The following RSF1 variants were observed in gnomAD, a reference collection of about 807,000 sequenced individuals.
RSF1 encodes the protein HBV pX-associated protein 8.
Under a neutral mutation model 145.2 loss-of-function variants are expected in RSF1, and 13 were observed. The observed-to-expected ratio is 0.09, with a 90% CI of 0.06 to 0.14. RSF1 has a LOEUF of 0.14. Ranked by LOEUF, RSF1 falls within the 10% of genes least tolerant of loss-of-function variation. The probability of loss-of-function intolerance (pLI) is 1.00; values close to 1 mark genes in which losing one functional copy is unlikely to be tolerated. For synonymous variants in RSF1, 577 were observed against 592.6 expected, an observed-to-expected ratio of 0.97 and a Z score of 0.38; for missense variants, 1,517 against 1,718.2, an observed-to-expected ratio of 0.88 and a Z score of 2.07.
intron 2 of RSF1, among the ~76,000 whole-genome samples, chr11:77,753,426 C>T (rs1237173428): frequency 6.6e-6 from 1 of 152,194 alleles, no homozygotes; most frequent in Admixed American, 6.5e-5. Context: ...CAAAACTCAA[C>T]TGCCTTTGTA....
chr11:77,770,980 A>G (rs1948276615), intron 1 of RSF1, among the ~76,000 whole-genome samples: 1 of 152,206 alleles, frequency 6.6e-6, no homozygotes, highest in African/African-American at 2.4e-5. Context: ...AATTTGTAGT[A>G]CTTGGGGCAA....
At chr11:77,781,882 T>A (rs1173506227) in intron 1 of RSF1, among the ~76,000 whole-genome samples, 1 of 152,236 alleles carries the variant, frequency 6.6e-6, no homozygotes, top group African/African-American at 2.4e-5. Context: ...CAGAATTGTA[T>A]CTTCCTAATG....
At chr11:77,858,009 A>T in the RSF1 span, among the ~76,000 whole-genome samples, 17 of 151,994 alleles carry the variant, frequency 1.1e-4, no homozygotes, top group Admixed American at 1.0e-3. Context: ...CTAGGTTTTA[A>T]GCCCCACATG....
Position 77,702,311 on chromosome 11 carries a change from C to T in RSF1, c.918G>A (p.Lys306=), listed in dbSNP as rs754776998. Residue 306 remains lysine (K), a synonymous_variant, in exon 6 of 16, where the codon AAG becomes AAA. Transcript: ENST00000308488. ...AGGAATCACTTTCTTCTTTGATAATCTTTTTTTCTTCATTTTCTGGCAAAG... is the reference window on the plus strand; with the variant it reads ...AGGAATCACTTTCTTCTTTGATAATTTTTTTTTCTTCATTTTCTGGCAAAG... The part of the protein sequence containing the change: ...EKPLPENEEK[K]IIKEESDSFK... 11 of 1,609,718 alleles carry T rather than the reference C, an allele frequency of 6.8e-6. No individual in the cohort carries two copies. The South Asian group carries it at 7.8e-5, about 11-fold the overall frequency.
rs1415960845 is a variant in RSF1 at position 77,664,243 on chromosome 11, T to C, written c.*2674A>G. On this transcript the variant is annotated 3_prime_UTR_variant, in exon 16 of 16. Coordinates refer to ENST00000308488, the MANE Select transcript of RSF1 (RefSeq NM_016578.4). ...AATCAATAATCTATCTGCCTAATAA[T>C]GTTTTATCAACCGCTTGGATTACAT... is the stretch of plus-strand genomic sequence containing the variant. The C allele has an allele frequency of 2.0e-5, 3 of 152,202 alleles. No individual in the cohort carries two copies. The highest frequency in any genetic ancestry group is 4.4e-5 in the Non-Finnish European group (3 of 68,020). 9.4% of individuals were successfully genotyped at this position (152,202 alleles called of 1,614,324 possible). A position where few individuals can be genotyped will look rare whatever the true frequency, so the allele number is the denominator to read the frequency against.
chr11:77,677,168 G>T, intron 12 of RSF1, 169 bp from the exon 13 acceptor site: 1 of 608,860 alleles, frequency 1.6e-6, no homozygotes. Context: ...AGGTCTCAGA[G>T]TTTTAGCATT....
chr11:77,749,199 A>C (rs1948034340), intron 2 of RSF1, among the ~76,000 whole-genome samples: 1 of 152,184 alleles, frequency 6.6e-6, no homozygotes, highest in Non-Finnish European at 1.5e-5. Context: ...ATTTCTTTTT[A>C]GAGTAATAAA....
chr11:77,838,954 G>T, the RSF1 span, among the ~76,000 whole-genome samples: 1 of 152,118 alleles, frequency 6.6e-6, no homozygotes, highest in Non-Finnish European at 1.5e-5. Flanking sequence ...ACCAGTGCTA[G>T]AATTTCCATT....
intron 1 of RSF1, among the ~76,000 whole-genome samples, chr11:77,777,518 G>C (rs532884497): frequency 6.6e-6 from 1 of 152,242 alleles, no homozygotes; most frequent in African/African-American, 2.4e-5. Context: ...GCTTGAACCT[G>C]GAAGGTGGAG....
intron 1 of RSF1, among the ~76,000 whole-genome samples, chr11:77,769,149 C>T (rs971508124): frequency 2.0e-5 from 3 of 152,144 alleles, no homozygotes; most frequent in African/African-American, 7.2e-5. Context: ...CCTCCACCTC[C>T]TGGGTTCAAA....
chr11:77,824,685 T>C (rs1398219727), upstream of RSF1, among the ~76,000 whole-genome samples: 1 of 152,156 alleles, frequency 6.6e-6, no homozygotes, highest in African/African-American at 2.4e-5. Flanking sequence ...GCAATAGAAA[T>C]CAAAGTAGTT....
At chr11:77,739,427 G>A (rs1433356931) in intron 4 of RSF1, 1 of 152,242 alleles carries the variant, frequency 6.6e-6, no homozygotes, top group Non-Finnish European at 1.5e-5. Flanking sequence ...AAGGAGAAAT[G>A]GTAAATAAAT....
intron 12 of RSF1, among the ~76,000 whole-genome samples, chr11:77,677,321 A>C (rs1959735490): frequency 6.6e-6 from 1 of 152,170 alleles, no homozygotes; most frequent in Non-Finnish European, 1.5e-5. Context: ...TGCAACCATC[A>C]CCACTACCTA....
chr11:77,765,124 A>C (rs921590933), intron 1 of RSF1, among the ~76,000 whole-genome samples: 13 of 143,662 alleles, frequency 9.0e-5, no homozygotes, highest in African/African-American at 2.7e-4. Flanking sequence ...GCTCTTAAAA[A>C]AATAGTTTGT....
At chr11:77,871,816 A>C in the RSF1 span, among the ~76,000 whole-genome samples, 1 of 152,178 alleles carries the variant, frequency 6.6e-6, no homozygotes, top group Non-Finnish European at 1.5e-5. Context: ...TGTCATACCA[A>C]CCCTAGGTGT....
chr11:77,766,911 A>G (rs569072), intron 1 of RSF1, among the ~76,000 whole-genome samples: 116,829 of 152,110 alleles, frequency 0.77, 45,082 homozygotes, highest in South Asian at 0.9. Flanking sequence ...CAGAAGATAG[A>G]AGTAGCCTAA....
chr11:77,820,694 C>G lies in RSF1; in HGVS notation c.21G>C (p.Ala7=). Reference sequence around the variant, plus strand: ...AGCCCGGAGGAGCCATCACCGCCGCCGCTGCCGCCGCCGTCGCCATTTTGA... The same window carrying G: ...AGCCCGGAGGAGCCATCACCGCCGCGGCTGCCGCCGCCGTCGCCATTTTGA... MATAAA[A]AAVMAPPGCP... The change falls in exon 1 of 16, where the codon GCG becomes GCC. Residue 7 remains alanine, a synonymous_variant. Transcript: ENST00000308488. The G allele has an allele frequency of 1.3e-6, 2 of 1,550,502 alleles. No individual in the cohort carries two copies. The highest frequency in any genetic ancestry group is 3.9e-5 in the Admixed American group (2 of 50,690).
chr11:77,872,121 GA>G, the RSF1 span: 2 of 1,569,302 alleles, frequency 1.3e-6, no homozygotes, highest in Non-Finnish European at 1.7e-6. Flanking sequence ...GGCAGTAAAG[GA>G]ACCCCTGGGG....
chr11:77,723,092 A>G (rs1035089975), intron 5 of RSF1, among the ~76,000 whole-genome samples: 18 of 152,220 alleles, frequency 1.2e-4, no homozygotes, highest in African/African-American at 4.1e-4. Flanking sequence ...TTAAGTTTAA[A>G]CCTAGAACTA....
Sources: allele counts gnomAD v4.1 joint callset (sites outside exome capture counted in the v4.1 genomes callset), GRCh38; gene constraint gnomAD v4.1.1; transcripts MANE v1.5; gene names NCBI Gene and HGNC (gene_info 2026-07-23, HGNC 2026-07-21).